Variants in DSCAM observed in about 807,000 individuals in gnomAD.
The protein encoded by DSCAM is cell adhesion molecule DSCAM.
In DSCAM, 47 loss-of-function variants were observed where a neutral mutation model predicts 217.7. The observed-to-expected ratio is 0.22, with a 90% CI of 0.17 to 0.28. DSCAM has a LOEUF of 0.28. Among genes scored for constraint, DSCAM ranks in the 10% least tolerant of loss-of-function variants. The probability of loss-of-function intolerance (pLI) is 1.00; values close to 1 mark genes in which losing one functional copy is unlikely to be tolerated. For missense variants in DSCAM, 2,080 were observed against 2,618.3 expected (o/e 0.79, Z 4.49); for synonymous variants, 1,056 against 1,015.3 (o/e 1.04, Z -0.76).
At chr21:40,628,392 C>T (rs2089632934) in intron 3 of DSCAM, among the ~76,000 whole-genome samples, 5 of 152,152 alleles carry the variant, frequency 3.3e-5, no homozygotes, top group Admixed American at 3.3e-4. Flanking sequence ...GCCTCTTCTT[C>T]TATAAAATGG....
At chr21:40,777,010 G>A (rs1463025581) in intron 1 of DSCAM, among the ~76,000 whole-genome samples, 1 of 152,090 alleles carries the variant, frequency 6.6e-6, no homozygotes, top group Non-Finnish European at 1.5e-5. Context: ...TTAGTCTGCT[G>A]GACTGCTTTC....
At chr21:40,060,990 G>A (rs74972930) in intron 28 of DSCAM, among the ~76,000 whole-genome samples, 14,139 of 152,134 alleles carry the variant, frequency 0.093, 699 homozygotes, top group Middle Eastern at 0.14. Flanking sequence ...ATCTTCTCCT[G>A]GAAATGTGAT....
At chr21:40,461,961 G>A (rs1427103338) in intron 3 of DSCAM, among the ~76,000 whole-genome samples, 2 of 152,268 alleles carry the variant, frequency 1.3e-5, no homozygotes, top group Admixed American at 6.5e-5. Context: ...TAACGCTCTG[G>A]ACTTCTGACA....
At chr21:40,631,695 G>A (rs1007891605) in intron 3 of DSCAM, among the ~76,000 whole-genome samples, 2 of 152,204 alleles carry the variant, frequency 1.3e-5, no homozygotes, top group African/African-American at 4.8e-5. Flanking sequence ...AATGAATCTG[G>A]ATGATAGAAT....
At position 40,144,466 on chromosome 21, in the gene DSCAM, A is replaced by G. The variant is rs1232320598; in HGVS notation, c.3259+25T>C. Reference sequence around the variant, plus strand: ...GGGAACCTTTGCGGAGGGAAAAGCCACGACCAGGCCCCGGCCGAACCTACC... The same window carrying G: ...GGGAACCTTTGCGGAGGGAAAAGCCGCGACCAGGCCCCGGCCGAACCTACC... On this transcript the variant is annotated intron_variant, in intron 17 of 32. Coordinates refer to ENST00000400454, the MANE Select transcript of DSCAM (RefSeq NM_001389.5). This position sits in a 1 kb window ranked among gnomAD's most constrained non-coding sequence, Gnocchi z 4.8. 6.2e-7 allele frequency: 1 copy of G among 1,611,488 alleles called. No homozygotes were observed. The highest frequency in any genetic ancestry group is 1.3e-5 in the African/African-American group (1 of 74,886).
At chr21:40,841,630 C>T (rs1001744776) in intron 1 of DSCAM, among the ~76,000 whole-genome samples, 1 of 152,100 alleles carries the variant, frequency 6.6e-6, no homozygotes, top group Non-Finnish European at 1.5e-5. Context: ...TGCGGAGGAG[C>T]GGGCACGTCA....
chr21:40,111,529 A>G (rs1411133775), intron 20 of DSCAM, among the ~76,000 whole-genome samples: 2 of 152,202 alleles, frequency 1.3e-5, no homozygotes, highest in Non-Finnish European at 2.9e-5. Flanking sequence ...ATAACCAGCT[A>G]ACATCATGAT....
intron 3 of DSCAM, among the ~76,000 whole-genome samples, chr21:40,488,697 G>A (rs992598006): frequency 2.0e-5 from 3 of 152,158 alleles, no homozygotes; most frequent in Admixed American, 6.5e-5. Context: ...ATTATAGCTC[G>A]AACAGTGAAA....
chr21:40,495,075 C>T (rs1160857964), intron 3 of DSCAM, among the ~76,000 whole-genome samples: 1 of 151,994 alleles, frequency 6.6e-6, no homozygotes, highest in African/African-American at 2.4e-5. Context: ...AGATGAGTAA[C>T]AAGATTGAGT....
intron 11 of DSCAM, among the ~76,000 whole-genome samples, chr21:40,259,821 C>A (rs2073425448): frequency 6.6e-6 from 1 of 151,380 alleles, no homozygotes. Context: ...CTACAGGTGC[C>A]CGCCACCACA....
At chr21:40,551,594 C>G (rs915436738) in intron 3 of DSCAM, among the ~76,000 whole-genome samples, 1 of 152,080 alleles carries the variant, frequency 6.6e-6, no homozygotes, top group Non-Finnish European at 1.5e-5. Context: ...ATAGGGATTC[C>G]TTACAGGTGC....
rs916449039 is a variant in DSCAM, at chr21:40,746,582, T to A, written c.44-37811A>T. Among the ~76,000 whole-genome samples the A allele has an allele frequency of 5.3e-5, 8 of 151,942 alleles. No individual in the cohort carries two copies. The East Asian group carries it at 1.4e-3, about 26-fold the overall frequency. On this transcript the variant is annotated intron_variant, in intron 1 of 32. Coordinates refer to ENST00000400454, the MANE Select transcript of DSCAM (RefSeq NM_001389.5). The stretch of plus-strand genomic sequence containing the variant: ...AATATGTAAGGAAAACATTAATAGA[T>A]CTGAAAGGTCTGTAGATTGACTATA...
At chr21:40,030,938 A>G (rs372506777) in intron 32 of DSCAM, among the ~76,000 whole-genome samples, 2 of 151,970 alleles carry the variant, frequency 1.3e-5, no homozygotes, top group East Asian at 1.9e-4. Flanking sequence ...CTACCCTGCA[A>G]CCATCCTCCT....
intron 6 of DSCAM, among the ~76,000 whole-genome samples, chr21:40,341,239 C>T (rs570404589): frequency 6.6e-6 from 1 of 152,314 alleles, no homozygotes; most frequent in African/African-American, 2.4e-5. Context: ...TTTAATTTTA[C>T]AGAGAAGTTA....
At chr21:40,237,383 G>A (rs1438743309) in intron 11 of DSCAM, among the ~76,000 whole-genome samples, 1 of 152,122 alleles carries the variant, frequency 6.6e-6, no homozygotes, top group East Asian at 1.9e-4. Flanking sequence ...CCCTCTGACA[G>A]GCCCTGGTGT....
intron 11 of DSCAM, among the ~76,000 whole-genome samples, chr21:40,266,683 TTATATA>T (rs1166888326): frequency 8.9e-6 from 1 of 112,938 alleles, no homozygotes; most frequent in Non-Finnish European, 1.7e-5. Context: ...TCTTGAAATT[TTATATA>T]TATAAAGATG....
At chr21:40,334,300 C>T (rs1313421694) in intron 8 of DSCAM, among the ~76,000 whole-genome samples, 1 of 152,092 alleles carries the variant, frequency 6.6e-6, no homozygotes, top group Non-Finnish European at 1.5e-5. Flanking sequence ...CTCAACACAT[C>T]GATAACTAGA....
intron 3 of DSCAM, 86 bp downstream of exon 3, chr21:40,692,724 C>A: frequency 6.8e-7 from 1 of 1,475,308 alleles, no homozygotes; most frequent in Non-Finnish European, 9.3e-7. Flanking sequence ...ATGATGAACA[C>A]ATAAACGGAG....
chr21:40,785,631 G>T (rs773446198), intron 1 of DSCAM, among the ~76,000 whole-genome samples: 1 of 152,178 alleles, frequency 6.6e-6, no homozygotes, highest in African/African-American at 2.4e-5. Context: ...CTGGGATGTG[G>T]CATGTAATGG....
Sources: gnomAD v4.1 joint callset for allele counts (sites outside exome capture counted in the v4.1 genomes callset) on GRCh38, gnomAD v4.1.1 for gene constraint, Gnocchi (gnomAD v3.1) non-coding constraint, MANE v1.5 for transcripts, NCBI Gene and HGNC (gene_info 2026-07-23, HGNC 2026-07-21) for gene names.